The following MICALL1 variants were observed in gnomAD, a reference collection of about 807,000 sequenced individuals.
The protein encoded by MICALL1 is MICAL like 1.
A neutral mutation model predicts 83.7 loss-of-function variants in MICALL1; 61 were observed. The ratio of observed to expected loss-of-function variants is 0.73; its 90% CI spans 0.59 to 0.90. The LOEUF (loss-of-function observed/expected upper bound fraction) is 0.90. Among genes scored for constraint, MICALL1 ranks in the 40% least tolerant of loss-of-function variants. MICALL1 has a pLI of 0.00. For missense variants in MICALL1, 1,066 were observed against 1,152.0 expected (o/e 0.93, Z 1.08); for synonymous variants, 481 against 473.6 (o/e 1.02, Z -0.20).
chr22:37,930,023 G>A lies in MICALL1; in HGVS notation c.1882-1776G>A, dbSNP rs116992207. ...CTCCCACAGATGGTGAGGGGCTGGC[G>A]GCACCAAGTGTCCTGAGTGCTCGAA... is the stretch of plus-strand genomic sequence containing the variant. On this transcript the variant is annotated intron_variant, in intron 9 of 15. Transcript: ENST00000215957. This position sits in a 1 kb window ranked among gnomAD's most constrained non-coding sequence, Gnocchi z 4.8. Among the ~76,000 whole-genome samples the A allele has an allele frequency of 6.0e-3, 907 of 152,346 alleles. 6 individuals carry two copies. Among genetic ancestry groups the A allele is most frequent in the Non-Finnish European group, 9.5e-3 (643 of 68,028 alleles).
rs775986248 is a variant in MICALL1 at position 37,927,469 on chromosome 22, G to C, written c.1524G>C (p.Ala508=). Residue 508 remains alanine (A), a synonymous_variant, in exon 9 of 16, where the codon GCG becomes GCC. Coordinates refer to ENST00000215957, the MANE Select transcript of MICALL1 (RefSeq NM_033386.4). ...SEPPSATPSP[A]LSVESLSSES... is the part of the protein sequence containing the mutation. The stretch of plus-strand genomic sequence containing the variant: ...CGCCCTCGGCCACACCATCGCCAGC[G>C]CTCAGCGTGGAGAGCCTGTCGTCTG... 2.5e-6 allele frequency: 4 copies of C among 1,608,188 alleles called. No individual in the cohort carries two copies. The African/African-American group carries it at 5.3e-5, about 21-fold the overall frequency.
At chr22:37,935,048 T>C (rs947231854) in intron 13 of MICALL1, among the ~76,000 whole-genome samples, 52 of 149,926 alleles carry the variant, frequency 3.5e-4, no homozygotes, top group Admixed American at 2.7e-3. Flanking sequence ...TTCTCCTGCC[T>C]CAGCCTCCCT....
chr22:37,922,513 C>A, intron 6 of MICALL1, 87 bp downstream of exon 6: 3 of 1,039,280 alleles, frequency 2.9e-6, no homozygotes, highest in Non-Finnish European at 2.7e-6. Context: ...TGTTGGTGGG[C>A]CCCTCTCCAT....
chr22:37,918,595 G>A (rs542636816), intron 4 of MICALL1, among the ~76,000 whole-genome samples: 11 of 152,352 alleles, frequency 7.2e-5, no homozygotes, highest in African/African-American at 2.4e-4. Flanking sequence ...ATTTAAATCC[G>A]TGGCAGTTCT....
At chr22:37,936,619 G>A (rs188640161) in intron 13 of MICALL1, among the ~76,000 whole-genome samples, 8 of 152,288 alleles carry the variant, frequency 5.3e-5, no homozygotes, top group Admixed American at 2.0e-4. Context: ...CTGGCCGGGC[G>A]CGGTGGCTCA....
Position 37,940,598 on chromosome 22 carries a change from G to C in MICALL1, c.2471-111G>C. 2 of 1,352,954 alleles carry C rather than the reference G, an allele frequency of 1.5e-6. 1 individual carries two copies. The highest frequency in any genetic ancestry group is 2.6e-5 in the South Asian group (2 of 75,550). The allele number at this position is 1,352,954 out of a possible 1,614,324, so 83.8% of individuals were successfully genotyped here. On this transcript the variant is annotated intron_variant, in intron 15 of 15. Transcript: ENST00000215957. ...CCAGGCTCCACACAGGAAGTGGTGG[G>C]GCTGGGCTGAGCCCTGCTGCCCATG...
At chr22:37,916,449 C>A (rs1287875390) in intron 3 of MICALL1, among the ~76,000 whole-genome samples, 1 of 152,224 alleles carries the variant, frequency 6.6e-6, no homozygotes, top group East Asian at 1.9e-4. Context: ...GTGATGTGTT[C>A]CAACTCTGGA....
In MICALL1 at chr22:37,937,736, C is replaced by T; in HGVS notation, c.2424-10C>T. The T allele has an allele frequency of 6.2e-7, 1 of 1,612,894 alleles. No homozygotes were observed. The highest frequency in any genetic ancestry group is 8.5e-7 in the Non-Finnish European group (1 of 1,179,322). On this transcript the variant is annotated splice_polypyrimidine_tract_variant and intron_variant, in intron 14 of 15. Coordinates refer to ENST00000215957, the MANE Select transcript of MICALL1 (RefSeq NM_033386.4). ...ACCACGCCCAGCTTAACTGCTGCTG[C>T]TTATTTCAGGGAGGAAGAGGAAGAC...
chr22:37,928,960 T>C (rs971366052), intron 9 of MICALL1, among the ~76,000 whole-genome samples: 1 of 152,164 alleles, frequency 6.6e-6, no homozygotes, highest in East Asian at 1.9e-4. Context: ...CCATCTCTAC[T>C]AAAAATACAA....
Position 37,925,662 on chromosome 22 carries a change from A to G in MICALL1, c.1084A>G (p.Thr362Ala), listed in dbSNP as rs761630045. The G allele has an allele frequency of 7.6e-6, 11 of 1,449,032 alleles. No individual in the cohort carries two copies. Among genetic ancestry groups the G allele is most frequent in the South Asian group, 3.5e-5 (3 of 85,466 alleles). 89.8% of individuals were successfully genotyped at this position (1,449,032 alleles called of 1,614,324 possible). The change falls in exon 8 of 16, where the codon ACA (threonine) becomes GCA (alanine). Residue 362 changes from threonine to alanine, a missense_variant and splice_region_variant. Physicochemically the swap from Thr to Ala is moderately conservative, Grantham distance 58. Transcript: ENST00000215957. ...PRGTPKPSEGTPAPRKDPPWI... is the reference protein window; with the variant it reads ...PRGTPKPSEGAPAPRKDPPWI... ...TCTGCTGCTTCCCCCCTCCTCCAGG[A>G]CACCAGCCCCCAGGAAGGACCCCCC...
At chr22:37,936,849 G>A (rs1041635102) in intron 13 of MICALL1, among the ~76,000 whole-genome samples, 6 of 151,468 alleles carry the variant, frequency 4.0e-5, no homozygotes, top group Admixed American at 1.3e-4. Context: ...CCAAGATCAC[G>A]CCACTGCACT....
chr22:37,938,246 C>T (rs1930241920), intron 15 of MICALL1, among the ~76,000 whole-genome samples: 1 of 151,860 alleles, frequency 6.6e-6, no homozygotes, highest in South Asian at 2.1e-4. Flanking sequence ...ACTAAAAATA[C>T]AAGAAATTAG....
Position 37,937,153 on chromosome 22 carries a change from G to A in MICALL1, c.2382G>A (p.Gln794=). The part of the protein sequence containing the change: ...LMQELVTLIE[Q]RNAIINCLDE... ...AGGAGCTTGTGACCCTCATTGAGCA[G>A]CGCAACGCTATCATCAACTGCCTGG... Residue 794 remains glutamine, a synonymous_variant, in exon 14 of 16, where the codon CAG becomes CAA. Coordinates refer to ENST00000215957, the MANE Select transcript of MICALL1 (RefSeq NM_033386.4). 2.6e-6 allele frequency: 4 copies of A among 1,551,564 alleles called. No homozygotes were observed. Among genetic ancestry groups the A allele is most frequent in the Non-Finnish European group, 3.5e-6 (4 of 1,146,956 alleles).
At chr22:37,913,801 C>G (rs527756828) in intron 3 of MICALL1, among the ~76,000 whole-genome samples, 1 of 151,892 alleles carries the variant, frequency 6.6e-6, no homozygotes, top group South Asian at 2.1e-4. Context: ...TCCTGCTGTC[C>G]CTGGGTCTGA....
rs769095463 is a variant in MICALL1, at chr22:37,922,256, G to C, written c.854G>C (p.Arg285Pro). ...CGGCCGCAGATCCCTACCAAGCCCC[G>C]GGTTCCTGGCAAACTACAGGAGCTG... is the stretch of plus-strand genomic sequence containing the variant. ...EARPQIPTKP[R>P]VPGKLQELAS... The change falls in exon 6 of 16, where the codon CGG (arginine) becomes CCG (proline). Residue 285 changes from arginine (R) to proline (P), a missense_variant. Physicochemically the swap from Arg to Pro is moderately radical, Grantham distance 103. Transcript: ENST00000215957. The C allele has an allele frequency of 1.3e-5, 20 of 1,591,528 alleles. No individual in the cohort carries two copies. In the Admixed American group the frequency reaches 3.5e-4, roughly 28 times the overall value.
intron 9 of MICALL1, among the ~76,000 whole-genome samples, chr22:37,928,778 C>T (rs942323658): frequency 1.3e-5 from 2 of 152,210 alleles, no homozygotes; most frequent in Non-Finnish European, 2.9e-5. Flanking sequence ...TCTGTCCGCT[C>T]TTCCATTCAC....
At chr22:37,937,602 T>C in intron 14 of MICALL1, 144 bp from the exon 15 acceptor site, 1 of 725,492 alleles carries the variant, frequency 1.4e-6, no homozygotes, top group Non-Finnish European at 2.2e-6. Context: ...TTTTGTATTT[T>C]TAGTAGAGAT....
At position 37,912,501 on chromosome 22, in the gene MICALL1, G is replaced by T. The variant is rs372432792; in HGVS notation, c.337+9G>T. On this transcript the variant is annotated intron_variant, in intron 3 of 15. Transcript: ENST00000215957. Reference sequence around the variant, plus strand: ...CTGCAGTCCTGGCCAAGGTGAGAGGGGGACTCAGCGTTTCACGGAGGCTGG... The same window carrying T: ...CTGCAGTCCTGGCCAAGGTGAGAGGTGGACTCAGCGTTTCACGGAGGCTGG... 2 of 1,590,450 alleles carry T rather than the reference G, an allele frequency of 1.3e-6. No homozygotes were observed. Among genetic ancestry groups the T allele is most frequent in the African/African-American group, 2.7e-5 (2 of 74,594 alleles).
In MICALL1 at chr22:37,922,380, G is replaced by T; in HGVS notation, c.978G>T (p.Gln326His). The change falls in exon 6 of 16, where the codon CAG (glutamine) becomes CAT (histidine). Residue 326 changes from glutamine to histidine, a missense_variant. Physicochemically the swap from Gln to His is conservative, Grantham distance 24 (BLOSUM62 0). Coordinates refer to ENST00000215957, the MANE Select transcript of MICALL1 (RefSeq NM_033386.4). ...CGCCCCGGCCCCGCTCCAGTCTGCA[G>T]CAGGAGAACCTGGTGGAGCAGGCTG... ...PPTPRPRSSLQQENLVEQAGS... is the reference protein window; with the variant it reads ...PPTPRPRSSLHQENLVEQAGS... The T allele has an allele frequency of 6.5e-7, 1 of 1,534,816 alleles. No individual in the cohort carries two copies.
Sources: gnomAD v4.1 joint callset for allele counts (sites outside exome capture counted in the v4.1 genomes callset) on GRCh38, gnomAD v4.1.1 for gene constraint, Gnocchi (gnomAD v3.1) non-coding constraint, MANE v1.5 for transcripts, NCBI Gene and HGNC (gene_info 2026-07-23, HGNC 2026-07-21) for gene names.